Variants in LRRC8D observed in about 807,000 individuals in gnomAD.
The protein encoded by LRRC8D is volume-regulated anion channel subunit LRRC8D.
In LRRC8D, 20 loss-of-function variants were observed where a neutral mutation model predicts 55.8. The ratio of observed to expected loss-of-function variants is 0.36; its 90% CI spans 0.25 to 0.52. LRRC8D has a LOEUF of 0.52. Ranked by LOEUF, LRRC8D falls within the 20% of genes least tolerant of loss-of-function variation. LRRC8D has a pLI of 0.93. For missense variants in LRRC8D, 651 were observed against 1,030.8 expected, an observed-to-expected ratio of 0.63 and a Z score of 5.05; for synonymous variants, 352 against 377.0, an observed-to-expected ratio of 0.93 and a Z score of 0.77.
At chr1:89,846,339 A>G (rs1485572890) in intron 2 of LRRC8D, among the ~76,000 whole-genome samples, 2 of 150,830 alleles carry the variant, frequency 1.3e-5, no homozygotes, top group African/African-American at 4.9e-5. Flanking sequence ...TACTCCTTTC[A>G]ACAGAGCTAA....
chr1:89,846,898 C>T (rs1358005173), intron 2 of LRRC8D, among the ~76,000 whole-genome samples: 1 of 152,006 alleles, frequency 6.6e-6, no homozygotes, highest in Non-Finnish European at 1.5e-5. Flanking sequence ...TGGCTTACTC[C>T]TAGGGCAGTT....
At chr1:89,920,604 T>C (rs1663387949) in intron 2 of LRRC8D, among the ~76,000 whole-genome samples, 1 of 151,516 alleles carries the variant, frequency 6.6e-6, no homozygotes, top group African/African-American at 2.4e-5. Flanking sequence ...TTCGTTTCTA[T>C]ATAGAATTAT....
At chr1:89,830,659 A>G (rs556420066) in intron 1 of LRRC8D, among the ~76,000 whole-genome samples, 5 of 152,274 alleles carry the variant, frequency 3.3e-5, no homozygotes, top group South Asian at 2.1e-4. Flanking sequence ...TGAGCAGTGC[A>G]TTGTTGCCGC....
chr1:89,878,008 T>G (rs149483200), intron 2 of LRRC8D, among the ~76,000 whole-genome samples: 1 of 152,350 alleles, frequency 6.6e-6, no homozygotes, highest in African/African-American at 2.4e-5. Context: ...GCGAGTTCCC[T>G]TTGTTTGTGT....
chr1:89,921,231 G>A (rs544981289), intron 2 of LRRC8D, among the ~76,000 whole-genome samples: 8 of 152,178 alleles, frequency 5.3e-5, no homozygotes, highest in East Asian at 1.9e-4. Flanking sequence ...TGGGCTACTC[G>A]GGAGGCTGAG....
chr1:89,888,216 AT>A (rs1662472602), intron 2 of LRRC8D, among the ~76,000 whole-genome samples: 1 of 152,236 alleles, frequency 6.6e-6, no homozygotes, highest in Non-Finnish European at 1.5e-5. Context: ...CTTAGGAACT[AT>A]ATGCAAGCAC....
intron 2 of LRRC8D, among the ~76,000 whole-genome samples, chr1:89,927,536 G>A (rs745757610): frequency 3.9e-5 from 6 of 152,242 alleles, no homozygotes; most frequent in South Asian, 2.1e-4. Context: ...ATATATACCC[G>A]TGTTTCTTAC....
At chr1:89,824,251 G>A (rs1046114812) in intron 1 of LRRC8D, among the ~76,000 whole-genome samples, 1 of 152,198 alleles carries the variant, frequency 6.6e-6, no homozygotes, top group African/African-American at 2.4e-5. Context: ...GGTGGTTCTT[G>A]ACATGGGAGG....
intron 2 of LRRC8D, among the ~76,000 whole-genome samples, chr1:89,887,294 T>C (rs544002748): frequency 6.6e-6 from 1 of 152,352 alleles, no homozygotes; most frequent in African/African-American, 2.4e-5. Context: ...GCACATATTA[T>C]AATACCTTAT....
At chr1:89,912,739 ATTG>A (rs1159556524) in intron 2 of LRRC8D, among the ~76,000 whole-genome samples, 3 of 152,194 alleles carry the variant, frequency 2.0e-5, no homozygotes, top group Admixed American at 6.5e-5. Context: ...ATTACAATAT[ATTG>A]TTCATAAATT....
intron 2 of LRRC8D, among the ~76,000 whole-genome samples, chr1:89,901,858 G>T (rs1035828437): frequency 6.6e-6 from 1 of 152,132 alleles, no homozygotes; most frequent in Non-Finnish European, 1.5e-5. Flanking sequence ...GCAGTACGTC[G>T]TGCCTCTGAA....
intron 2 of LRRC8D, among the ~76,000 whole-genome samples, chr1:89,928,696 A>G (rs746955458): frequency 6.6e-6 from 1 of 152,096 alleles, no homozygotes; most frequent in Non-Finnish European, 1.5e-5. Context: ...CTACCTTTGA[A>G]CTTTTCTTTT....
At chr1:89,924,654 A>T (rs1663510253) in intron 2 of LRRC8D, among the ~76,000 whole-genome samples, 1 of 152,212 alleles carries the variant, frequency 6.6e-6, no homozygotes, top group African/African-American at 2.4e-5. Context: ...AAAGACATGT[A>T]ATCAACCAAG....
chr1:89,823,291 T>G (rs565847029), intron 1 of LRRC8D, among the ~76,000 whole-genome samples: 1 of 152,302 alleles, frequency 6.6e-6, no homozygotes, highest in East Asian at 1.9e-4. Context: ...TTTTCCAGCA[T>G]TTAAAAAACA....
At chr1:89,859,842 A>C (rs1197592095) in intron 2 of LRRC8D, among the ~76,000 whole-genome samples, 1 of 152,242 alleles carries the variant, frequency 6.6e-6, no homozygotes, top group East Asian at 1.9e-4. Context: ...CAGAGAGGCT[A>C]CCTTCCATTT....
Position 89,865,331 on chromosome 1 carries a change from TA to T in LRRC8D, c.-3+21550del, listed in dbSNP as rs1361747341. Among the ~76,000 whole-genome samples the T allele has an allele frequency of 0.016, 415 of 26,406 alleles. 7 individuals are homozygous for T. The African/African-American group carries it at 0.16, about 10-fold the overall frequency. 17.3% of individuals were successfully genotyped at this position (26,406 alleles called of 152,430 possible). A position where few individuals can be genotyped will look rare whatever the true frequency, so the allele number is the denominator to read the frequency against. ...TACTAAATATGTATAAACATGAAAT[TA>T]TATATATATATATATATATATATAT... On this transcript the variant is annotated intron_variant, in intron 2 of 2. Coordinates refer to ENST00000337338, the MANE Select transcript of LRRC8D (RefSeq NM_001134479.2).
chr1:89,921,504 A>G (rs1401173257), intron 2 of LRRC8D, among the ~76,000 whole-genome samples: 2 of 152,006 alleles, frequency 1.3e-5, no homozygotes, highest in Non-Finnish European at 2.9e-5. Flanking sequence ...AGTGCAGATA[A>G]ACTTTTAAAG....
chr1:89,838,799 G>T (rs1156674352), intron 1 of LRRC8D, among the ~76,000 whole-genome samples: 1 of 152,128 alleles, frequency 6.6e-6, no homozygotes, highest in Admixed American at 6.5e-5. Context: ...TTGATCAGTG[G>T]ATCAGTCTTA....
chr1:89,822,145 C>T (rs1055168738), intron 1 of LRRC8D: 3 of 152,732 alleles, frequency 2.0e-5, no homozygotes, highest in Non-Finnish European at 4.4e-5. Flanking sequence ...AAAAAGCCAG[C>T]TGCAGTGAAG....
Sources: gnomAD v4.1 joint callset for allele counts (sites outside exome capture counted in the v4.1 genomes callset) on GRCh38, gnomAD v4.1.1 for gene constraint, MANE v1.5 for transcripts, NCBI Gene and HGNC (gene_info 2026-07-23, HGNC 2026-07-21) for gene names.